The following STIL variants were observed in gnomAD, a reference collection of about 807,000 sequenced individuals.
The protein encoded by STIL is SCL-interrupting locus protein.
Under a neutral mutation model 110.1 loss-of-function variants are expected in STIL, and 55 were observed. The ratio of observed to expected loss-of-function variants is 0.50; its 90% CI spans 0.40 to 0.63. The LOEUF is 0.63. Ranked by LOEUF, STIL falls within the 20% of genes least tolerant of loss-of-function variation. The pLI is 0.00. For synonymous variants in STIL, 481 were observed against 530.0 expected (o/e 0.91, Z 1.27); for missense variants, 1,358 against 1,530.0 (o/e 0.89, Z 1.87).
At chr1:47,306,022 C>T (rs111731233) in intron 2 of STIL, among the ~76,000 whole-genome samples, 9 of 152,110 alleles carry the variant, frequency 5.9e-5, no homozygotes, top group African/African-American at 1.9e-4. Flanking sequence ...TAAGCCACCG[C>T]GCCCGGCCCA....
At chr1:47,254,472 A>C (rs1205509843) in intron 16 of STIL, among the ~76,000 whole-genome samples, 1 of 152,156 alleles carries the variant, frequency 6.6e-6, no homozygotes, top group African/African-American at 2.4e-5. Context: ...TGATAAAAGC[A>C]AAGAAAAACT....
intron 12 of STIL, among the ~76,000 whole-genome samples, chr1:47,278,292 A>G (rs1645046833): frequency 6.6e-6 from 1 of 152,196 alleles, no homozygotes; most frequent in South Asian, 2.1e-4. Flanking sequence ...CATGCAGGGT[A>G]AGGGAGTTCT....
In STIL at chr1:47,299,986, A is replaced by G. The variant is rs367549461; in HGVS notation, c.620T>C (p.Ile207Thr). Residue 207 changes from isoleucine to threonine, a missense_variant, in exon 6 of 17, where the codon ATC (isoleucine) becomes ACC (threonine). Coordinates refer to ENST00000371877, the MANE Select transcript of STIL (RefSeq NM_001048166.1). ...TGCCAGAGCTGTTGGAATAATGGGG[A>G]TGGGCTTCACAGGTGTGCATTTAAA... The part of the protein sequence containing the change: ...NNFKCTPVKP[I>T]PIIPTALARN... 33 of 1,614,114 alleles carry G rather than the reference A, an allele frequency of 2.0e-5. No individual in the cohort carries two copies. The highest frequency in any genetic ancestry group is 2.8e-5 in the Non-Finnish European group (33 of 1,179,988).
At chr1:47,289,753 TGAGGCCAG>T (rs1645421902) in intron 8 of STIL, among the ~76,000 whole-genome samples, 168 bp from the exon 9 acceptor site, 1 of 152,084 alleles carries the variant, frequency 6.6e-6, no homozygotes, top group Non-Finnish European at 1.5e-5. Flanking sequence ...GAGGATCGCT[TGAGGCCAG>T]GAGTTTGAGA....
At chr1:47,261,320 C>T (rs1190754184) in intron 15 of STIL, among the ~76,000 whole-genome samples, 6 of 148,232 alleles carry the variant, frequency 4.0e-5, no homozygotes, top group East Asian at 2.0e-4. Flanking sequence ...CCCAGAAGGC[C>T]CAGGTTGCAG....
intron 1 of STIL, among the ~76,000 whole-genome samples, chr1:47,312,098 G>A (rs1461217737): frequency 2.0e-5 from 3 of 152,048 alleles, no homozygotes; most frequent in African/African-American, 7.2e-5. Flanking sequence ...CAGATGCAGA[G>A]ATTATTTAGA....
chr1:47,260,123 G>A (rs1444164720), intron 16 of STIL, among the ~76,000 whole-genome samples, 166 bp downstream of exon 16: 1 of 152,126 alleles, frequency 6.6e-6, no homozygotes, highest in African/African-American at 2.4e-5. Flanking sequence ...GGTAGGCCCT[G>A]AATAAATCGT....
chr1:47,293,086 G>C (rs1275413003), intron 8 of STIL, among the ~76,000 whole-genome samples: 1 of 152,164 alleles, frequency 6.6e-6, no homozygotes, highest in Non-Finnish European at 1.5e-5. Context: ...GTAACACTGT[G>C]TAACTTAATA....
chr1:47,311,077 A>G (rs1177256560), intron 1 of STIL, among the ~76,000 whole-genome samples: 1 of 151,474 alleles, frequency 6.6e-6, no homozygotes, highest in African/African-American at 2.4e-5. Flanking sequence ...CAATCTCTTG[A>G]CCTCGTGATC....
chr1:47,283,921 T>G, intron 10 of STIL: 1 of 151,020 alleles, frequency 6.6e-6, no homozygotes, highest in African/African-American at 2.4e-5. Flanking sequence ...GGGGGGTGGA[T>G]AGAGTCTCCC....
At chr1:47,258,990 T>C (rs1644398060) in intron 16 of STIL, among the ~76,000 whole-genome samples, 1 of 53,598 alleles carries the variant, frequency 1.9e-5, no homozygotes, top group African/African-American at 7.7e-5. Flanking sequence ...GAAGTAACTT[T>C]GCTTTTTTTT....
At chr1:47,289,695 AT>A in intron 8 of STIL, 110 bp from the exon 9 acceptor site, 1 of 1,118,672 alleles carries the variant, frequency 8.9e-7, no homozygotes, top group Non-Finnish European at 1.3e-6. Context: ...AAAAGGTGCA[AT>A]TTTTGTTCAA....
chr1:47,270,295 A>ACAC (rs1644798729), intron 13 of STIL, among the ~76,000 whole-genome samples: 2 of 104,094 alleles, frequency 1.9e-5, no homozygotes, highest in Admixed American at 2.0e-4. Flanking sequence ...CACACACACA[A>ACAC]TTACTTAGAA....
chr1:47,258,349 T>C (rs889783160), intron 16 of STIL, among the ~76,000 whole-genome samples: 1 of 152,188 alleles, frequency 6.6e-6, no homozygotes, highest in Non-Finnish European at 1.5e-5. Flanking sequence ...TAGGAATTTA[T>C]CCTACAAAGA....
chr1:47,295,527 C>T (rs1348442687), intron 7 of STIL, among the ~76,000 whole-genome samples: 2 of 151,938 alleles, frequency 1.3e-5, no homozygotes, highest in South Asian at 2.1e-4. Flanking sequence ...TTGCAGTGAG[C>T]CGAGATCTCT....
chr1:47,288,142 C>T (rs1221810645), intron 9 of STIL, among the ~76,000 whole-genome samples: 1 of 149,474 alleles, frequency 6.7e-6, no homozygotes, highest in Non-Finnish European at 1.5e-5. Flanking sequence ...GTACTAAATA[C>T]GATCTGAGTG....
rs1644763383 is a variant in STIL at position 47,269,723 on chromosome 1, A to G, written c.2527T>C (p.Ser843Pro). 3 of 1,614,184 alleles carry G rather than the reference A, an allele frequency of 1.9e-6. No homozygotes were observed. Among genetic ancestry groups the G allele is most frequent in the Non-Finnish European group, 2.5e-6 (3 of 1,180,030 alleles). ...GGAATATCAACTGCTTTTAATGAAG[A>G]TGCACTACCTGGAAGACTTGTGACT... ...NEVTSLPGSASSLKAVDIPSF... is the reference protein window; with the variant it reads ...NEVTSLPGSAPSLKAVDIPSF... The change falls in exon 14 of 17, where the codon TCT becomes CCT. Residue 843 changes from serine (S) to proline (P), a missense_variant. Ser to Pro is a moderately conservative substitution (Grantham distance 74, BLOSUM62 -1). Coordinates refer to ENST00000371877, the MANE Select transcript of STIL (RefSeq NM_001048166.1).
At position 47,260,364 on chromosome 1, in the gene STIL, T is replaced by C; in HGVS notation, c.3005A>G (p.Gln1002Arg). 6.2e-7 allele frequency: 1 copy of C among 1,614,192 alleles called. No individual in the cohort carries two copies. The highest frequency in any genetic ancestry group is 8.5e-7 in the Non-Finnish European group (1 of 1,180,018). The change falls in exon 16 of 17, where the codon CAA becomes CGA. Residue 1002 changes from glutamine (Q) to arginine (R), a missense_variant. Physicochemically the swap from Gln to Arg is conservative, Grantham distance 43. Transcript: ENST00000371877. ...AATTTTTACTCCAAGGCTTCTTAGTTGCTTAAGAGTTGCATTAAGGACACA... is the reference window on the plus strand; with the variant it reads ...AATTTTTACTCCAAGGCTTCTTAGTCGCTTAAGAGTTGCATTAAGGACACA... ...KDCVLNATLK[Q>R]LRSLGVKIDS...
chr1:47,286,264 C>T (rs1417492672), intron 10 of STIL, among the ~76,000 whole-genome samples: 1 of 152,054 alleles, frequency 6.6e-6, no homozygotes, highest in African/African-American at 2.4e-5. Flanking sequence ...GCCTGCCCCC[C>T]ACCACTAGTT....
Sources: allele counts gnomAD v4.1 joint callset (sites outside exome capture counted in the v4.1 genomes callset), GRCh38; gene constraint gnomAD v4.1.1; transcripts MANE v1.5; gene names NCBI Gene and HGNC (gene_info 2026-07-23, HGNC 2026-07-21).